The following CNTN4 variants were observed in gnomAD, a reference collection of about 807,000 sequenced individuals.
CNTN4 encodes the protein contactin 4.
CNTN4 carries 77 observed loss-of-function variants against 122.5 expected under a neutral mutation model. That is an observed-to-expected ratio of 0.63 (90% CI 0.52 to 0.76). CNTN4 has a LOEUF of 0.76. Ranked by LOEUF, CNTN4 falls within the 30% of genes least tolerant of loss-of-function variation. The probability of loss-of-function intolerance (pLI) is 0.00; values close to 1 mark genes in which losing one functional copy is unlikely to be tolerated. For missense variants in CNTN4, 1,256 were observed against 1,259.1 expected, an observed-to-expected ratio of 1.00 and a Z score of 0.04; for synonymous variants, 512 against 447.0, an observed-to-expected ratio of 1.15 and a Z score of -1.83.
intron 3 of CNTN4, among the ~76,000 whole-genome samples, chr3:2,388,282 T>A (rs1180475835): frequency 6.6e-6 from 1 of 152,194 alleles, no homozygotes; most frequent in East Asian, 1.9e-4. Context: ...ATAATTTAAA[T>A]GTTCTGGATA....
At chr3:2,143,848 G>C (rs547061921) in intron 2 of CNTN4, among the ~76,000 whole-genome samples, 24 of 152,290 alleles carry the variant, frequency 1.6e-4, no homozygotes, top group African/African-American at 5.8e-4. Context: ...AAGGTAAGAT[G>C]CTAATTAAAG....
intron 2 of CNTN4, among the ~76,000 whole-genome samples, chr3:2,237,871 A>G (rs2149586173): frequency 6.6e-6 from 1 of 152,290 alleles, no homozygotes; most frequent in South Asian, 2.1e-4. Flanking sequence ...TCAGATTTAA[A>G]TTAGCCTATA....
At chr3:2,598,204 C>CTT (rs1170593245) in intron 4 of CNTN4, among the ~76,000 whole-genome samples, 1 of 152,172 alleles carries the variant, frequency 6.6e-6, no homozygotes, top group Non-Finnish European at 1.5e-5. Flanking sequence ...TTAATTTCTA[C>CTT]TTGCTGTGGT....
rs930252972 is a variant in CNTN4, at chr3:2,709,597, G to C, written c.56-26618G>C. On this transcript the variant is annotated intron_variant, in intron 4 of 24. Transcript: ENST00000418658. The surrounding 1 kb of genome is among the most constrained non-coding windows in gnomAD (Gnocchi z 5.0). The stretch of plus-strand genomic sequence containing the variant: ...TGAACAATTTCACATATTGAAAAAT[G>C]TTTTTAATAATTAATCATTTAAATT... Among the ~76,000 whole-genome samples, 1 of 152,142 alleles carries C rather than the reference G, an allele frequency of 6.6e-6. No individual in the cohort carries two copies. The highest frequency in any genetic ancestry group is 1.5e-5 in the Non-Finnish European group (1 of 68,010).
chr3:2,391,608 T>C, intron 3 of CNTN4, among the ~76,000 whole-genome samples: 1 of 152,252 alleles, frequency 6.6e-6, no homozygotes, highest in African/African-American at 2.4e-5. Flanking sequence ...GGAAGTATAA[T>C]AAATAAAGGA....
At chr3:2,621,182 T>A (rs764414823) in intron 4 of CNTN4, among the ~76,000 whole-genome samples, 15 of 152,134 alleles carry the variant, frequency 9.9e-5, no homozygotes, top group Non-Finnish European at 1.8e-4. Context: ...CGCGTCTTCC[T>A]CCTCACCTTC....
intron 2 of CNTN4, among the ~76,000 whole-genome samples, chr3:2,203,312 G>A (rs1332072770): frequency 6.6e-6 from 1 of 152,074 alleles, no homozygotes; most frequent in Non-Finnish European, 1.5e-5. Context: ...CCATTTCACT[G>A]ATGCACACTG....
In CNTN4 at chr3:2,853,727, G is replaced by A. The variant is rs191361365; in HGVS notation, c.455-13025G>A. Among the ~76,000 whole-genome samples, 179 of 152,244 alleles carry A rather than the reference G, an allele frequency of 1.2e-3. 1 individual carries two copies. Among genetic ancestry groups the A allele is most frequent in the African/African-American group, 4.1e-3 (172 of 41,528 alleles). On this transcript the variant is annotated intron_variant, in intron 7 of 24. Coordinates refer to ENST00000418658, the MANE Select transcript of CNTN4 (RefSeq NM_175607.3). ...ACATGAGCATGGACACTTTGCGCTCGCTCTCTGTTTTGGCGTCTTGAAACC... is the reference window on the plus strand; with the variant it reads ...ACATGAGCATGGACACTTTGCGCTCACTCTCTGTTTTGGCGTCTTGAAACC...
intron 13 of CNTN4, among the ~76,000 whole-genome samples, chr3:2,929,234 A>G (rs979857700): frequency 1.3e-5 from 2 of 152,206 alleles, no homozygotes; most frequent in African/African-American, 4.8e-5. Context: ...GTCTCTAGTC[A>G]CCATAAAGGC....
At chr3:2,541,654 T>A (rs1016284401) in intron 3 of CNTN4, among the ~76,000 whole-genome samples, 1 of 152,106 alleles carries the variant, frequency 6.6e-6, no homozygotes, top group East Asian at 1.9e-4. Context: ...TTAAAATTAA[T>A]TGGCAGTCAA....
At chr3:2,181,759 C>G (rs2037026146) in intron 2 of CNTN4, among the ~76,000 whole-genome samples, 1 of 152,000 alleles carries the variant, frequency 6.6e-6, no homozygotes, top group East Asian at 1.9e-4. Flanking sequence ...AACATTTTTC[C>G]TTGTTGATCA....
chr3:2,604,667 T>C lies in CNTN4; in HGVS notation c.55+33109T>C, dbSNP rs75279764. ...CTAAGCAGGATTCTGCTAGGCATTT[T>C]TTAAACTACTTTATTGAGGTATGAT... On this transcript the variant is annotated intron_variant, in intron 4 of 24. Coordinates refer to ENST00000418658, the MANE Select transcript of CNTN4 (RefSeq NM_175607.3). 6.4e-3 allele frequency among the ~76,000 whole-genome samples: 968 copies of C among 152,280 alleles called. 15 individuals are homozygous for C. Among genetic ancestry groups the C allele is most frequent in the African/African-American group, 0.022 (914 of 41,562 alleles).
At chr3:2,702,219 C>A (rs193174317) in intron 4 of CNTN4, among the ~76,000 whole-genome samples, 126 of 152,276 alleles carry the variant, frequency 8.3e-4, no homozygotes, top group African/African-American at 2.9e-3. Flanking sequence ...TTGATTTACA[C>A]CCTACTGTGA....
chr3:2,429,593 C>G (rs1219578249), intron 3 of CNTN4, among the ~76,000 whole-genome samples: 1 of 152,218 alleles, frequency 6.6e-6, no homozygotes. Flanking sequence ...GGGAGAACCA[C>G]TACTCTCTTC....
At chr3:2,556,360 G>T (rs2149393574) in intron 3 of CNTN4, among the ~76,000 whole-genome samples, 1 of 152,274 alleles carries the variant, frequency 6.6e-6, no homozygotes, top group South Asian at 2.1e-4. Flanking sequence ...GCCTGTCCTT[G>T]TGAACCTCTG....
In CNTN4 at chr3:2,662,185, A is replaced by G. The variant is rs114412223; in HGVS notation, c.56-74030A>G. 9.3e-3 allele frequency among the ~76,000 whole-genome samples: 1,422 copies of G among 152,368 alleles called. 26 individuals carry two copies. Among genetic ancestry groups the G allele is most frequent in the African/African-American group, 0.032 (1,346 of 41,590 alleles). Reference sequence around the variant, plus strand: ...TTAGTAATTAGTGTCATGCACAAAAATAGGGGATGTGGAGCTAGAAATTAA... The same window carrying G: ...TTAGTAATTAGTGTCATGCACAAAAGTAGGGGATGTGGAGCTAGAAATTAA... On this transcript the variant is annotated intron_variant, in intron 4 of 24. Coordinates refer to ENST00000418658, the MANE Select transcript of CNTN4 (RefSeq NM_175607.3).
chr3:2,879,898 C>T (rs2093887601), intron 8 of CNTN4, among the ~76,000 whole-genome samples: 1 of 152,020 alleles, frequency 6.6e-6, no homozygotes, highest in African/African-American at 2.4e-5. Flanking sequence ...TGGAAACAGA[C>T]AAAGGTAGAA....
At chr3:2,465,756 CTG>C (rs565266844) in intron 3 of CNTN4, among the ~76,000 whole-genome samples, 354 of 152,234 alleles carry the variant, frequency 2.3e-3, no homozygotes, top group African/African-American at 7.9e-3. Context: ...TGAAACCTCT[CTG>C]TGTTTTCTTG....
At chr3:2,702,431 T>C (rs1335003489) in intron 4 of CNTN4, among the ~76,000 whole-genome samples, 2 of 152,246 alleles carry the variant, frequency 1.3e-5, no homozygotes, top group Admixed American at 1.3e-4. Context: ...CATTATAATA[T>C]TAAGTCTATG....
Sources: allele counts gnomAD v4.1 joint callset (sites outside exome capture counted in the v4.1 genomes callset), GRCh38; gene constraint gnomAD v4.1.1; non-coding constraint Gnocchi (gnomAD v3.1); transcripts MANE v1.5; gene names NCBI Gene and HGNC (gene_info 2026-07-23, HGNC 2026-07-21).